NEO1: variants seen among roughly 807,000 people sequenced by gnomAD.
NEO1 encodes neogenin.
Under a neutral mutation model 159.7 loss-of-function variants are expected in NEO1, and 63 were observed. The observed-to-expected ratio is 0.39, with a 90% CI of 0.32 to 0.49. The LOEUF is 0.49. Among genes scored for constraint, NEO1 ranks in the 20% least tolerant of loss-of-function variants. NEO1 has a pLI of 0.85. For missense variants in NEO1, 1,615 were observed against 1,831.0 expected (o/e 0.88, Z 2.15); for synonymous variants, 633 against 662.0 (o/e 0.96, Z 0.67).
intron 21 of NEO1, among the ~76,000 whole-genome samples, chr15:73,275,842 C>T (rs1185978685): frequency 6.6e-6 from 1 of 152,070 alleles, no homozygotes; most frequent in Admixed American, 6.5e-5. Context: ...GTATGTTTTC[C>T]ATACTGAGAA....
chr15:73,268,033 T>C (rs964899733), intron 16 of NEO1, among the ~76,000 whole-genome samples: 1 of 152,160 alleles, frequency 6.6e-6, no homozygotes, highest in Non-Finnish European at 1.5e-5. Context: ...TTTGCTTTAT[T>C]TGGGTGTGAG....
chr15:73,277,074 A>G (rs559695201), intron 21 of NEO1, among the ~76,000 whole-genome samples: 2 of 152,238 alleles, frequency 1.3e-5, no homozygotes, highest in Non-Finnish European at 2.9e-5. Context: ...TGTTACAATG[A>G]GAAAACTGAG....
chr15:73,171,799 G>T (rs1045937463), intron 5 of NEO1, among the ~76,000 whole-genome samples: 1 of 151,632 alleles, frequency 6.6e-6, no homozygotes, highest in South Asian at 2.1e-4. Context: ...GAGTCACCAC[G>T]CCTGGCTAAT....
At chr15:73,206,607 T>C (rs2037242276) in intron 7 of NEO1, among the ~76,000 whole-genome samples, 2 of 152,060 alleles carry the variant, frequency 1.3e-5, no homozygotes, top group South Asian at 4.2e-4. Flanking sequence ...TGTTGTTGTT[T>C]TGTTTTGTTT....
In NEO1 at chr15:73,186,269, A is replaced by G. The variant is rs753726874; in HGVS notation, c.1291+7842A>G. 2.6e-5 allele frequency among the ~76,000 whole-genome samples: 4 copies of G among 152,124 alleles called. No homozygotes were observed. The East Asian group carries it at 7.7e-4, about 29-fold the overall frequency. On this transcript the variant is annotated intron_variant, in intron 7 of 28. Transcript: ENST00000261908. ...TGGTAATCTTCACTGTATTGTTCCA[A>G]TTTTAGTATTAGTGTATGTGCTGCC...
At chr15:73,299,637 G>C (rs548594662) in intron 27 of NEO1, among the ~76,000 whole-genome samples, 1 of 152,082 alleles carries the variant, frequency 6.6e-6, no homozygotes, top group African/African-American at 2.4e-5. Context: ...CGCCCACCTC[G>C]GCCTCCCAAA....
intron 7 of NEO1, among the ~76,000 whole-genome samples, chr15:73,211,028 C>G (rs2037527466): frequency 6.6e-6 from 1 of 152,056 alleles, no homozygotes; most frequent in Admixed American, 6.5e-5. Context: ...TTTACAATGA[C>G]CAGAGCTTAG....
chr15:73,081,499 T>C (rs141184644), intron 1 of NEO1, among the ~76,000 whole-genome samples: 2 of 152,298 alleles, frequency 1.3e-5, no homozygotes, highest in East Asian at 3.9e-4. Flanking sequence ...GACTAACTTA[T>C]CAGGGTTGAT....
rs376040744 is a variant in NEO1, at chr15:73,193,333, TAA to T, written c.1291+14907_1291+14908del. On this transcript the variant is annotated intron_variant, in intron 7 of 28. Transcript: ENST00000261908. ...AATAGACCTTAGAGAGCTGAGTATT[TAA>T]TTTAGCTGAGCTGGAAACTCAGTTA... is the stretch of plus-strand genomic sequence containing the variant. Among the ~76,000 whole-genome samples, 34 of 152,092 alleles carry T rather than the reference TAA, an allele frequency of 2.2e-4. No individual in the cohort carries two copies. In the East Asian group the frequency reaches 5.8e-3, roughly 26 times the overall value.
chr15:73,116,824 A>G lies in NEO1; in HGVS notation c.415A>G (p.Ile139Val). 6.3e-7 allele frequency: 1 copy of G among 1,594,940 alleles called. No homozygotes were observed. Among genetic ancestry groups the G allele is most frequent in the Non-Finnish European group, 8.5e-7 (1 of 1,172,488 alleles). Residue 139 changes from isoleucine (I) to valine (V), a missense_variant, in exon 2 of 29, where the codon ATT (isoleucine) becomes GTT (valine). This residue lies in a region of NEO1 where 1,018 missense variants were observed against 1,115.4 expected (regional missense o/e 0.91). Transcript: ENST00000261908. ...GGCCACTGTTGAGAGTCTTGGAACT[A>G]TTATCAGTAGAACAGCGAAGCTCAT... is the stretch of plus-strand genomic sequence containing the variant. Reference protein sequence around the residue: ...CVATVESLGTIISRTAKLIVA... With the variant: ...CVATVESLGTVISRTAKLIVA...
chr15:73,170,060 C>T (rs7176908), intron 5 of NEO1, among the ~76,000 whole-genome samples: 14,357 of 151,832 alleles, frequency 0.095, 905 homozygotes, highest in African/African-American at 0.17. Flanking sequence ...ATGAAACAGG[C>T]GACTCCAAAG....
chr15:73,060,590 A>G (rs1047636428), intron 1 of NEO1, among the ~76,000 whole-genome samples: 1 of 151,496 alleles, frequency 6.6e-6, no homozygotes, highest in Non-Finnish European at 1.5e-5. Context: ...TTTTAAATTT[A>G]TAGAGTGTTG....
intron 1 of NEO1, among the ~76,000 whole-genome samples, chr15:73,060,234 A>T (rs192001076): frequency 1.3e-5 from 2 of 152,102 alleles, no homozygotes; most frequent in East Asian, 3.9e-4. Flanking sequence ...TTGAAGTTGG[A>T]GGTAGGATAA....
chr15:73,079,496 A>C (rs2068937749), intron 1 of NEO1, among the ~76,000 whole-genome samples: 1 of 152,188 alleles, frequency 6.6e-6, no homozygotes, highest in South Asian at 2.1e-4. Context: ...TATTCAATCA[A>C]ATAGGCCAGT....
intron 1 of NEO1, among the ~76,000 whole-genome samples, chr15:73,071,538 G>T (rs568254274): frequency 3.3e-5 from 5 of 151,566 alleles, no homozygotes; most frequent in Admixed American, 2.6e-4. Flanking sequence ...TTGTTTGTTT[G>T]TTTTTTTGAG....
Position 73,253,411 on chromosome 15 carries a change from G to A in NEO1, c.1906G>A (p.Ala636Thr), listed in dbSNP as rs771898900. ...TTTTGTTTCTCTAGTTCCCAGTGCT[G>A]CTCCTCAGAATCTGTCCTTGGAAGT... ...VRTLSDVPSA[A>T]PQNLSLEVRN... The change falls in exon 12 of 29, where the codon GCT becomes ACT. Residue 636 changes from alanine (A) to threonine (T), a missense_variant. Physicochemically the swap from Ala to Thr is moderately conservative, Grantham distance 58. This residue lies in a region of NEO1 where 1,018 missense variants were observed against 1,115.4 expected (regional missense o/e 0.91). Transcript: ENST00000261908. 1.3e-6 allele frequency: 2 copies of A among 1,572,912 alleles called. No individual in the cohort carries two copies. Among genetic ancestry groups the A allele is most frequent in the South Asian group, 1.2e-5 (1 of 84,042 alleles).
intron 16 of NEO1, among the ~76,000 whole-genome samples, chr15:73,266,693 A>G (rs1309354100): frequency 6.6e-6 from 1 of 152,172 alleles, no homozygotes; most frequent in Non-Finnish European, 1.5e-5. Flanking sequence ...TAGATAATTA[A>G]AAGTGATTTT....
At chr15:73,195,184 T>C (rs1232007888) in intron 7 of NEO1, among the ~76,000 whole-genome samples, 1 of 152,210 alleles carries the variant, frequency 6.6e-6, no homozygotes, top group Admixed American at 6.5e-5. Flanking sequence ...AAGCTTGAAT[T>C]TGAATTTGAT....
intron 1 of NEO1, among the ~76,000 whole-genome samples, chr15:73,099,048 A>C (rs1427402586): frequency 2.0e-5 from 3 of 152,182 alleles, no homozygotes; most frequent in East Asian, 3.8e-4. Flanking sequence ...AATTAATTCT[A>C]CATCTGTATG....
Sources: gnomAD v4.1 joint callset for allele counts (sites outside exome capture counted in the v4.1 genomes callset) on GRCh38, gnomAD v4.1.1 for gene constraint, gnomAD v4.1.1 regional missense constraint, MANE v1.5 for transcripts, NCBI Gene and HGNC (gene_info 2026-07-23, HGNC 2026-07-21) for gene names.